PKDREJ: variants seen among roughly 807,000 people sequenced by gnomAD.
The protein encoded by PKDREJ is PKD and REJ homolog.
For synonymous variants in PKDREJ, 1,031 were observed against 1,095.5 expected, an observed-to-expected ratio of 0.94 and a Z score of 1.16; for missense variants, 2,507 against 2,807.2, an observed-to-expected ratio of 0.89 and a Z score of 2.42.
rs767688529 is a variant in PKDREJ at position 46,256,674 on chromosome 22, G to C, written c.6649C>G (p.Pro2217Ala). The change falls in exon 1 of 1, where the codon CCT becomes GCT. Residue 2217 changes from proline (P) to alanine (A), a missense_variant. By Grantham distance (27) the Pro-to-Ala change is conservative. Coordinates refer to ENST00000253255, the MANE Select transcript of PKDREJ (RefSeq NM_006071.2). The surrounding 1 kb of genome is among the most constrained non-coding windows in gnomAD (Gnocchi z 5.3). Reference protein sequence around the residue: ...LTSQSKAKDEPEFFIDMLYGQ... With the variant: ...LTSQSKAKDEAEFFIDMLYGQ... ...TACAGCATGTCAATAAAGAACTCAGGCTCATCTTTGGCCTTAGATTGCGAG... is the reference window on the plus strand; with the variant it reads ...TACAGCATGTCAATAAAGAACTCAGCCTCATCTTTGGCCTTAGATTGCGAG... The C allele has an allele frequency of 5.0e-6, 8 of 1,614,052 alleles. No individual in the cohort carries two copies. In the Admixed American group the frequency reaches 1.3e-4, roughly 27 times the overall value.
Position 46,263,328 on chromosome 22 carries a change from C to T in PKDREJ, c.-6G>A, listed in dbSNP as rs1247124725. On this transcript the variant is annotated 5_prime_UTR_variant, in exon 1 of 1. Coordinates refer to ENST00000253255, the MANE Select transcript of PKDREJ (RefSeq NM_006071.2). This position sits in a 1 kb window ranked among gnomAD's most constrained non-coding sequence, Gnocchi z 9.4. ...AGAGCGGGCCCAGGCCTCATGGCGC[C>T]GGCCCAGGAGAAGCTGGGAGAGGCC... The T allele has an allele frequency of 5.0e-6, 7 of 1,392,886 alleles. No individual in the cohort carries two copies. The highest frequency in any genetic ancestry group is 1.5e-5 in the African/African-American group (1 of 65,354). 86.3% of individuals were successfully genotyped at this position (1,392,886 alleles called of 1,614,324 possible).
rs1476007390 is a variant in PKDREJ at position 46,262,175 on chromosome 22, G to A, written c.1148C>T (p.Pro383Leu). The A allele has an allele frequency of 2.5e-6, 4 of 1,614,066 alleles. No individual in the cohort carries two copies. Among genetic ancestry groups the A allele is most frequent in the Non-Finnish European group, 8.5e-7 (1 of 1,180,046 alleles). Residue 383 changes from proline (P) to leucine (L), a missense_variant, in exon 1 of 1, where the codon CCC becomes CTC. Transcript: ENST00000253255. This position sits in a 1 kb window ranked among gnomAD's most constrained non-coding sequence, Gnocchi z 8.1. ...LQFFWYCTTD[P>L]RNYGGDRIIL... ...TATTCGATCCCCACCGTAGTTTCTG[G>A]GATCTGTGGTACAGTACCAAAAGAA...
chr22:46,259,838 T>C lies in PKDREJ; in HGVS notation c.3485A>G (p.Lys1162Arg), dbSNP rs760781716. ...CACAGGATTAGGGATCACAATCACC[T>C]TGGCCATCACATAGTGGGTATGCAG... ...IHLHTHYVMAKVIVIPNPVDL... is the reference protein window; with the variant it reads ...IHLHTHYVMARVIVIPNPVDL... The change falls in exon 1 of 1, where the codon AAG (lysine) becomes AGG (arginine). Residue 1162 changes from lysine (K) to arginine (R), a missense_variant. Lys to Arg is a conservative substitution (Grantham distance 26). Coordinates refer to ENST00000253255, the MANE Select transcript of PKDREJ (RefSeq NM_006071.2). The surrounding 1 kb of genome is among the most constrained non-coding windows in gnomAD (Gnocchi z 6.8). 2.5e-6 allele frequency: 4 copies of C among 1,613,684 alleles called. No homozygotes were observed. Among genetic ancestry groups the C allele is most frequent in the Non-Finnish European group, 3.4e-6 (4 of 1,180,030 alleles).
rs148977849 is a variant in PKDREJ at position 46,257,968 on chromosome 22, C to T, written c.5355G>A (p.Ser1785=). 929 of 1,614,048 alleles carry T rather than the reference C, an allele frequency of 5.8e-4. 15 individuals are homozygous for T. The South Asian group carries it at 8.3e-3, about 14-fold the overall frequency. ...TCAATGGAAGGCCAAGGATTTTAGA[C>T]GAGCTTTCAGGAAGAAATGTTGGAT... ...DLNPTFLPES[S]SKILGLPLMR... The change falls in exon 1 of 1, where the codon TCG becomes TCA. Residue 1785 remains serine, a synonymous_variant. Coordinates refer to ENST00000253255, the MANE Select transcript of PKDREJ (RefSeq NM_006071.2). The surrounding 1 kb of genome is among the most constrained non-coding windows in gnomAD (Gnocchi z 4.7).
Position 46,259,336 on chromosome 22 carries a change from G to A in PKDREJ, c.3987C>T (p.Cys1329=), listed in dbSNP as rs780393875. The A allele has an allele frequency of 1.2e-5, 20 of 1,613,984 alleles. No homozygotes were observed. In the South Asian group the frequency reaches 1.9e-4, roughly 15 times the overall value. Residue 1329 remains cysteine, a synonymous_variant, in exon 1 of 1, where the codon TGC becomes TGT. Transcript: ENST00000253255. This position sits in a 1 kb window ranked among gnomAD's most constrained non-coding sequence, Gnocchi z 6.8. ...LFSRHIWLFI[C]QKWLSVDTTL... ...TGGTATCAACAGAAAGCCATTTCTGGCATATGAACAGCCAAATGTGCCTGC... is the reference window on the plus strand; with the variant it reads ...TGGTATCAACAGAAAGCCATTTCTGACATATGAACAGCCAAATGTGCCTGC...
At position 46,258,142 on chromosome 22, in the gene PKDREJ, A is replaced by G. The variant is rs1936653643; in HGVS notation, c.5181T>C (p.Leu1727=). 27 of 1,614,102 alleles carry G rather than the reference A, an allele frequency of 1.7e-5. No homozygotes were observed. The highest frequency in any genetic ancestry group is 2.2e-5 in the Non-Finnish European group (26 of 1,179,928). ...HFIFLALLLI[L]IVLLRHTDCF... ...AGTCAGTGTGACGTAGTAAGACGAT[A>G]AGGATCAACAGAAGGGCTAGAAAGA... The change falls in exon 1 of 1, where the codon CTT becomes CTC. Residue 1727 remains leucine, a synonymous_variant. Coordinates refer to ENST00000253255, the MANE Select transcript of PKDREJ (RefSeq NM_006071.2). This position sits in a 1 kb window ranked among gnomAD's most constrained non-coding sequence, Gnocchi z 6.1.
rs1437951326 is a variant in PKDREJ at position 46,259,552 on chromosome 22, A to C, written c.3771T>G (p.Thr1257=). Residue 1257 remains threonine (T), a synonymous_variant, in exon 1 of 1, where the codon ACT becomes ACG. Coordinates refer to ENST00000253255, the MANE Select transcript of PKDREJ (RefSeq NM_006071.2). The surrounding 1 kb of genome is among the most constrained non-coding windows in gnomAD (Gnocchi z 6.8). The stretch of plus-strand genomic sequence containing the variant: ...AACAATGCACGTCGCTGGTACTCAC[A>C]GTTCCTCTAAGTTGCACAAAGACAT... ...RANVFVQLRG[T]VSTSDVHCLS... 7.4e-6 allele frequency: 12 copies of C among 1,614,092 alleles called. No individual in the cohort carries two copies. The highest frequency in any genetic ancestry group is 9.3e-6 in the Non-Finnish European group (11 of 1,180,042).
Position 46,259,206 on chromosome 22 carries a change from A to G in PKDREJ, c.4117T>C (p.Phe1373Leu), listed in dbSNP as rs1936667395. 1 of 1,613,784 alleles carries G rather than the reference A, an allele frequency of 6.2e-7. No homozygotes were observed. Among genetic ancestry groups the G allele is most frequent in the Non-Finnish European group, 8.5e-7 (1 of 1,179,898 alleles). The change falls in exon 1 of 1, where the codon TTC (phenylalanine) becomes CTC (leucine). Residue 1373 changes from phenylalanine (F) to leucine (L), a missense_variant. Physicochemically the swap from Phe to Leu is conservative, Grantham distance 22. Coordinates refer to ENST00000253255, the MANE Select transcript of PKDREJ (RefSeq NM_006071.2). This position sits in a 1 kb window ranked among gnomAD's most constrained non-coding sequence, Gnocchi z 6.8. ...SSNLRKNHMW[F>L]SIFASVVAKT... Reference sequence around the variant, plus strand: ...GCAACAACACTAGCAAAAATAGAGAACCACATGTGGTTTTTCCGGAGATTA... The same window carrying G: ...GCAACAACACTAGCAAAAATAGAGAGCCACATGTGGTTTTTCCGGAGATTA...
At position 46,258,092 on chromosome 22, in the gene PKDREJ, C is replaced by G; in HGVS notation, c.5231G>C (p.Arg1744Pro). ...AGCAAGATCCATAGAGAACCGATCA[C>G]GAATAAACTGGTTATAGTAAAAGCA... ...TDCFYYNQFI[R>P]DRFSMDLATV... Residue 1744 changes from arginine (R) to proline (P), a missense_variant, in exon 1 of 1, where the codon CGT becomes CCT. Transcript: ENST00000253255. The surrounding 1 kb of genome is among the most constrained non-coding windows in gnomAD (Gnocchi z 6.1). 4.3e-6 allele frequency: 7 copies of G among 1,614,012 alleles called. No homozygotes were observed. Among genetic ancestry groups the G allele is most frequent in the South Asian group, 1.1e-5 (1 of 91,082 alleles).
In PKDREJ at chr22:46,258,154, A is replaced by G; in HGVS notation, c.5169T>C (p.Leu1723=). ...YILTHFIFLA[L]LLILIVLLRH... The stretch of plus-strand genomic sequence containing the variant: ...GTAGTAAGACGATAAGGATCAACAG[A>G]AGGGCTAGAAAGATAAAGTGAGTTA... The change falls in exon 1 of 1, where the codon CTT becomes CTC. Residue 1723 remains leucine (L), a synonymous_variant. Coordinates refer to ENST00000253255, the MANE Select transcript of PKDREJ (RefSeq NM_006071.2). The surrounding 1 kb of genome is among the most constrained non-coding windows in gnomAD (Gnocchi z 6.1). 1 of 1,614,140 alleles carries G rather than the reference A, an allele frequency of 6.2e-7. No homozygotes were observed. Among genetic ancestry groups the G allele is most frequent in the Admixed American group, 1.7e-5 (1 of 60,026 alleles).
Position 46,256,506 on chromosome 22 carries a change from C to G in PKDREJ, c.*55G>C. 1 of 1,559,666 alleles carries G rather than the reference C, an allele frequency of 6.4e-7. No individual in the cohort carries two copies. The highest frequency in any genetic ancestry group is 8.6e-7 in the Non-Finnish European group (1 of 1,158,664). ...TGACACTCCCTAATCCCCTTAATCC[C>G]ACAGACTCAGCAGTTGGGGGAACGC... On this transcript the variant is annotated 3_prime_UTR_variant, in exon 1 of 1. Transcript: ENST00000253255. This position sits in a 1 kb window ranked among gnomAD's most constrained non-coding sequence, Gnocchi z 5.3.
Position 46,260,017 on chromosome 22 carries a change from G to T in PKDREJ, c.3306C>A (p.Val1102=). The T allele has an allele frequency of 6.2e-7, 1 of 1,614,118 alleles. No homozygotes were observed. The highest frequency in any genetic ancestry group is 1.6e-4 in the Middle Eastern group (1 of 6,062). ...DKLVRISIFS[V]QCLDMYGIQS... ...GGATCCCATACATGTCCAAGCACTG[G>T]ACGCTGAAAATAGAAATTCTCACTA... The change falls in exon 1 of 1, where the codon GTC becomes GTA. Residue 1102 remains valine, a synonymous_variant. Transcript: ENST00000253255. This position sits in a 1 kb window ranked among gnomAD's most constrained non-coding sequence, Gnocchi z 4.5.
chr22:46,255,976 A>G lies in PKDREJ; in HGVS notation c.*585T>C, dbSNP rs1936627379. 6.6e-6 allele frequency: 1 copy of G among 152,348 alleles called. No homozygotes were observed. The highest frequency in any genetic ancestry group is 2.4e-5 in the African/African-American group (1 of 41,458). 9.4% of individuals were successfully genotyped at this position (152,348 alleles called of 1,614,324 possible). On this transcript the variant is annotated 3_prime_UTR_variant, in exon 1 of 1. Coordinates refer to ENST00000253255, the MANE Select transcript of PKDREJ (RefSeq NM_006071.2). ...TTTTACTTTAACTACCAGTAGCTTT[A>G]AGAATAAATGAGAAGCACCACATCT...
In PKDREJ at chr22:46,256,846, C is replaced by T. The variant is rs1003306627; in HGVS notation, c.6477G>A (p.Met2159Ile). 1.9e-6 allele frequency: 3 copies of T among 1,613,926 alleles called. No individual in the cohort carries two copies. The highest frequency in any genetic ancestry group is 2.7e-5 in the African/African-American group (2 of 74,920). Reference sequence around the variant, plus strand: ...GAAATAAGTTGATCAAGACGCAGATCATCACCAGCATGAAAGATGAGAGGA... The same window carrying T: ...GAAATAAGTTGATCAAGACGCAGATTATCACCAGCATGAAAGATGAGAGGA... ...VLFLSSFMLV[M>I]ICVLINLFQA... is the part of the protein sequence containing the mutation. The change falls in exon 1 of 1, where the codon ATG becomes ATA. Residue 2159 changes from methionine to isoleucine, a missense_variant. By Grantham distance (10) the Met-to-Ile change is conservative. Coordinates refer to ENST00000253255, the MANE Select transcript of PKDREJ (RefSeq NM_006071.2). The surrounding 1 kb of genome is among the most constrained non-coding windows in gnomAD (Gnocchi z 5.3).
rs1354948568 is a variant in PKDREJ, at chr22:46,256,642, C to A, written c.6681G>T (p.Gln2227His). Residue 2227 changes from glutamine (Q) to histidine (H), a missense_variant, in exon 1 of 1, where the codon CAG (glutamine) becomes CAT (histidine). Transcript: ENST00000253255. This position sits in a 1 kb window ranked among gnomAD's most constrained non-coding sequence, Gnocchi z 5.3. Reference protein sequence around the residue: ...PEFFIDMLYGQPEKNSHRYLG... With the variant: ...PEFFIDMLYGHPEKNSHRYLG... The stretch of plus-strand genomic sequence containing the variant: ...GATAACGGTGGCTGTTCTTCTCTGG[C>A]TGCCCATACAGCATGTCAATAAAGA... 2 of 1,614,192 alleles carry A rather than the reference C, an allele frequency of 1.2e-6. No individual in the cohort carries two copies. Among genetic ancestry groups the A allele is most frequent in the Non-Finnish European group, 1.7e-6 (2 of 1,180,046 alleles).
Position 46,259,285 on chromosome 22 carries a change from G to T in PKDREJ, c.4038C>A (p.Thr1346=). Residue 1346 remains threonine (T), a synonymous_variant, in exon 1 of 1, where the codon ACC becomes ACA. Coordinates refer to ENST00000253255, the MANE Select transcript of PKDREJ (RefSeq NM_006071.2). This position sits in a 1 kb window ranked among gnomAD's most constrained non-coding sequence, Gnocchi z 6.8. The part of the protein sequence containing the change: ...DTTLDRTFHV[T]HPDERLTRKD... ...TTCTAGTCAGACGCTCATCTGGATG[G>T]GTAACGTGAAATGTTCTGTCCAAAG... The T allele has an allele frequency of 1.2e-6, 2 of 1,614,146 alleles. No homozygotes were observed.
chr22:46,260,548 C>A lies in PKDREJ; in HGVS notation c.2775G>T (p.Ser925=), dbSNP rs112258541. Residue 925 remains serine, a synonymous_variant, in exon 1 of 1, where the codon TCG becomes TCT. Transcript: ENST00000253255. This position sits in a 1 kb window ranked among gnomAD's most constrained non-coding sequence, Gnocchi z 4.5. ...TCATTCTGAATCCAGACACCTCCAC[C>A]GAAGTGTTTTCCTGATCATTTAACC... ...FPWLNDQENT[S]VEVSGFRMTG... 417 of 1,614,052 alleles carry A rather than the reference C, an allele frequency of 2.6e-4. No homozygotes were observed. In the African/African-American group the frequency reaches 2.6e-3, roughly 10 times the overall value.
chr22:46,257,358 C>T lies in PKDREJ; in HGVS notation c.5965G>A (p.Glu1989Lys). 1 of 1,613,972 alleles carries T rather than the reference C, an allele frequency of 6.2e-7. No individual in the cohort carries two copies. Among genetic ancestry groups the T allele is most frequent in the Non-Finnish European group, 8.5e-7 (1 of 1,180,020 alleles). ...ACACTTCTCACATAGGAGGCTCTTT[C>T]TTGCATAATGATACAACCCTCATCA... ...VVDEGCIIMQ[E>K]RASYVRSVYN... is the part of the protein sequence containing the mutation. Residue 1989 changes from glutamate (E) to lysine (K), a missense_variant, in exon 1 of 1, where the codon GAA becomes AAA. Coordinates refer to ENST00000253255, the MANE Select transcript of PKDREJ (RefSeq NM_006071.2). This position sits in a 1 kb window ranked among gnomAD's most constrained non-coding sequence, Gnocchi z 4.7.
chr22:46,258,092 C>T lies in PKDREJ; in HGVS notation c.5231G>A (p.Arg1744His), dbSNP rs137913341. 124 of 1,614,012 alleles carry T rather than the reference C, an allele frequency of 7.7e-5. 2 individuals carry two copies. Among genetic ancestry groups the T allele is most frequent in the South Asian group, 5.8e-4 (53 of 91,082 alleles). The change falls in exon 1 of 1, where the codon CGT becomes CAT. Residue 1744 changes from arginine to histidine, a missense_variant. By Grantham distance (29) the Arg-to-His change is conservative. Coordinates refer to ENST00000253255, the MANE Select transcript of PKDREJ (RefSeq NM_006071.2). This position sits in a 1 kb window ranked among gnomAD's most constrained non-coding sequence, Gnocchi z 6.1. Reference sequence around the variant, plus strand: ...AGCAAGATCCATAGAGAACCGATCACGAATAAACTGGTTATAGTAAAAGCA... The same window carrying T: ...AGCAAGATCCATAGAGAACCGATCATGAATAAACTGGTTATAGTAAAAGCA... ...TDCFYYNQFI[R>H]DRFSMDLATV...
Sources: gnomAD v4.1 joint callset for allele counts on GRCh38, gnomAD v4.1.1 for gene constraint, Gnocchi (gnomAD v3.1) non-coding constraint, MANE v1.5 for transcripts, NCBI Gene and HGNC (gene_info 2026-07-23, HGNC 2026-07-21) for gene names.